RIPOR2: variants seen among roughly 807,000 people sequenced by gnomAD.
RIPOR2 encodes the protein rho family-interacting cell polarization regulator 2.
A neutral mutation model predicts 114.5 loss-of-function variants in RIPOR2; 39 were observed. The observed-to-expected ratio is 0.34, with a 90% CI of 0.26 to 0.44. RIPOR2 has a LOEUF of 0.44. RIPOR2 is among the 20% of genes least tolerant of loss of function. The pLI, the probability that RIPOR2 is intolerant of heterozygous loss-of-function variation, is 1.00. For missense variants in RIPOR2, 1,007 were observed against 1,255.1 expected, an observed-to-expected ratio of 0.80 and a Z score of 2.99; for synonymous variants, 445 against 484.4, an observed-to-expected ratio of 0.92 and a Z score of 1.07.
intron 1 of RIPOR2, among the ~76,000 whole-genome samples, chr6:24,999,639 T>G (rs1027673142): frequency 6.6e-6 from 1 of 150,794 alleles, no homozygotes; most frequent in Non-Finnish European, 1.5e-5. Flanking sequence ...CACTGCAAGC[T>G]CCACCTCCCG....
intron 19 of RIPOR2, 96 bp downstream of exon 19, chr6:24,825,130 A>T: frequency 1.1e-6 from 1 of 933,648 alleles, no homozygotes; most frequent in Non-Finnish European, 1.6e-6. Flanking sequence ...ACGCAGAAAA[A>T]TTATTTTTAT....
rs370599845 is a variant in RIPOR2, at chr6:24,835,735, T to C, written c.2176A>G (p.Arg726Gly). ...GNESLDITIV[R>G]HLQYCTQLVQ... ...AGTTGGGTGCAGTACTGGAGGTGCC[T>C]GACGATGGTGATGTCCAGGCTCTCG... Residue 726 changes from arginine to glycine, a missense_variant, in exon 15 of 22, where the codon AGG becomes GGG. Arg to Gly is a moderately radical substitution (Grantham distance 125, BLOSUM62 -2). Transcript: ENST00000643898. The C allele has an allele frequency of 3.7e-5, 57 of 1,551,596 alleles. No individual in the cohort carries two copies. The African/African-American group carries it at 4.9e-4, about 13-fold the overall frequency.
chr6:24,877,458 A>G (rs1312492657), intron 1 of RIPOR2: 1 of 474,378 alleles, frequency 2.1e-6, no homozygotes, highest in African/African-American at 2.1e-5. Context: ...AGCAGCTTAC[A>G]TTTTAGGGCA....
chr6:24,925,467 G>GC (rs1445370864), intron 1 of RIPOR2, among the ~76,000 whole-genome samples: 1 of 152,160 alleles, frequency 6.6e-6, no homozygotes, highest in Non-Finnish European at 1.5e-5. Context: ...ACTTTGGGAA[G>GC]CCGAGGTGGG....
intron 1 of RIPOR2, among the ~76,000 whole-genome samples, chr6:24,990,079 T>C (rs1183450935): frequency 6.6e-6 from 1 of 151,912 alleles, no homozygotes; most frequent in Non-Finnish European, 1.5e-5. Context: ...TCAATATAAA[T>C]AAAATAGGCC....
chr6:25,024,388 T>C, intron 1 of RIPOR2: 1 of 1,258,502 alleles, frequency 7.9e-7, no homozygotes, highest in Non-Finnish European at 1.2e-6. Flanking sequence ...AGGTAGGCAA[T>C]GACATCATAG....
chr6:24,876,837 G>T, intron 1 of RIPOR2: 2 of 359,624 alleles, frequency 5.6e-6, no homozygotes, highest in Non-Finnish European at 7.7e-6. Flanking sequence ...AAGAAGCATT[G>T]TCAAAACACA....
intron 6 of RIPOR2, 36 bp from the exon 7 acceptor site, chr6:24,865,486 C>G (rs1194327861): frequency 6.4e-7 from 1 of 1,560,886 alleles, no homozygotes; most frequent in South Asian, 1.2e-5. Flanking sequence ...AAATAAATGT[C>G]AGGCTTGAAA....
chr6:24,907,914 A>G (rs1409486003), intron 1 of RIPOR2, among the ~76,000 whole-genome samples: 2 of 152,100 alleles, frequency 1.3e-5, no homozygotes, highest in Admixed American at 1.3e-4. Flanking sequence ...TTCTACACCT[A>G]GGTTTGCCTT....
chr6:24,983,777 A>AAAAAC, intron 1 of RIPOR2, among the ~76,000 whole-genome samples: 1 of 151,208 alleles, frequency 6.6e-6, no homozygotes, highest in Non-Finnish European at 1.5e-5. Flanking sequence ...AAAAAAAAAA[A>AAAAAC]AAAAGCCTTG....
At chr6:24,850,902 T>A (rs1010955501) in intron 9 of RIPOR2, among the ~76,000 whole-genome samples, 180 bp from the exon 10 acceptor site, 8 of 151,294 alleles carry the variant, frequency 5.3e-5, no homozygotes, top group South Asian at 2.1e-4. Flanking sequence ...AGGAGACTTT[T>A]TTTTTTTTTT....
chr6:24,849,991 C>T, intron 10 of RIPOR2, 41 bp from the exon 11 acceptor site: 2 of 1,561,602 alleles, frequency 1.3e-6, no homozygotes, highest in Non-Finnish European at 1.7e-6. Context: ...TACATCACAG[C>T]AGAGGAGAAA....
intron 1 of RIPOR2, among the ~76,000 whole-genome samples, chr6:24,914,267 C>T (rs1217770511): frequency 1.3e-5 from 2 of 152,046 alleles, no homozygotes; most frequent in Admixed American, 6.6e-5. Flanking sequence ...ACCCAAGAGG[C>T]GGAGGTTGCA....
At chr6:24,887,813 T>TTC (rs1278995140) in intron 1 of RIPOR2, among the ~76,000 whole-genome samples, 6 of 152,366 alleles carry the variant, frequency 3.9e-5, no homozygotes, top group African/African-American at 1.4e-4. Flanking sequence ...AAACTATTTC[T>TTC]TCTCCTTTTC....
intron 1 of RIPOR2, among the ~76,000 whole-genome samples, chr6:24,920,871 G>C (rs187908950): frequency 1.2e-3 from 182 of 152,160 alleles, no homozygotes; most frequent in African/African-American, 4.0e-3. Context: ...AATCATCCTT[G>C]ACCACTTTTT....
chr6:24,988,766 A>G (rs1413053583), intron 1 of RIPOR2, among the ~76,000 whole-genome samples: 1 of 152,194 alleles, frequency 6.6e-6, no homozygotes, highest in Non-Finnish European at 1.5e-5. Flanking sequence ...ACAATCATCC[A>G]GAACAGGGGT....
chr6:24,936,976 G>A (rs1371812238), upstream of RIPOR2, among the ~76,000 whole-genome samples: 1 of 152,184 alleles, frequency 6.6e-6, no homozygotes, highest in East Asian at 1.9e-4. Context: ...TAGAGAAACT[G>A]TCCCCTCCTC....
At chr6:24,948,235 C>A (rs2114194172) in intron 1 of RIPOR2, 1 of 152,292 alleles carries the variant, frequency 6.6e-6, no homozygotes, top group South Asian at 2.1e-4. Flanking sequence ...GTCCCAACAG[C>A]AGACTTAAAG....
intron 1 of RIPOR2, among the ~76,000 whole-genome samples, chr6:25,005,707 A>ATC (rs1775525039): frequency 1.6e-5 from 1 of 61,590 alleles, no homozygotes; most frequent in Non-Finnish European, 3.2e-5. Flanking sequence ...ATATATATAT[A>ATC]TATATATATA....
Sources: allele counts gnomAD v4.1 joint callset (sites outside exome capture counted in the v4.1 genomes callset), GRCh38; gene constraint gnomAD v4.1.1; transcripts MANE v1.5; gene names NCBI Gene and HGNC (gene_info 2026-07-23, HGNC 2026-07-21).